Variants in POLN observed in about 807,000 individuals in gnomAD.
The protein encoded by POLN is DNA polymerase N.
A neutral mutation model predicts 113.5 loss-of-function variants in POLN; 108 were observed. The ratio of observed to expected loss-of-function variants is 0.95; its 90% confidence interval spans 0.81 to 1.12. The LOEUF (loss-of-function observed/expected upper bound fraction) is 1.12. POLN is among the 50% of genes most tolerant of loss of function. The pLI is 0.00. For synonymous variants in POLN, 386 were observed against 391.5 expected (o/e 0.99, Z 0.17); for missense variants, 1,097 against 1,077.1 (o/e 1.02, Z -0.26).
At chr4:2,233,496 T>C (rs921275552) in intron 2 of POLN, among the ~76,000 whole-genome samples, 2 of 152,198 alleles carry the variant, frequency 1.3e-5, no homozygotes, top group Non-Finnish European at 2.9e-5. Context: ...AAGAACATCA[T>C]ATGATTGTTT....
At chr4:2,166,137 A>G (rs1470383147) in intron 13 of POLN, among the ~76,000 whole-genome samples, 1 of 152,176 alleles carries the variant, frequency 6.6e-6, no homozygotes, top group Non-Finnish European at 1.5e-5. Flanking sequence ...AACAATTCCA[A>G]GGCTACCCAT....
rs899131485 is a variant in POLN, at chr4:2,127,808, C to T, written c.1982+305G>A. 2.0e-5 allele frequency among the ~76,000 whole-genome samples: 3 copies of T among 152,250 alleles called. No homozygotes were observed. Among genetic ancestry groups the T allele is most frequent in the African/African-American group, 7.2e-5 (3 of 41,472 alleles). On this transcript the variant is annotated intron_variant, in intron 19 of 25. Transcript: ENST00000511885. This position sits in a 1 kb window ranked among gnomAD's most constrained non-coding sequence, Gnocchi z 4.7. ...GGAGGGCAGTGGCTCACAGCCAGCA[C>T]CGCGGGCTCGCTCTTTCCGTGGTGC...
At chr4:2,149,697 G>T (rs926221499) in intron 16 of POLN, among the ~76,000 whole-genome samples, 1 of 152,104 alleles carries the variant, frequency 6.6e-6, no homozygotes, top group Admixed American at 6.5e-5. Flanking sequence ...GAGGCAGAAG[G>T]ATCACTTGAG....
rs138922215 is a variant in POLN, at chr4:2,127,588, C to T, written c.1982+525G>A. Among the ~76,000 whole-genome samples, 1 of 152,290 alleles carries T rather than the reference C, an allele frequency of 6.6e-6. No individual in the cohort carries two copies. Among genetic ancestry groups the T allele is most frequent in the Non-Finnish European group, 1.5e-5 (1 of 68,024 alleles). Reference sequence around the variant, plus strand: ...CACCAGGAGGAAGAGAAGCCAACGTCCTGAGAATATGATGAAAAAGGACGG... The same window carrying T: ...CACCAGGAGGAAGAGAAGCCAACGTTCTGAGAATATGATGAAAAAGGACGG... On this transcript the variant is annotated intron_variant, in intron 19 of 25. Coordinates refer to ENST00000511885, the MANE Select transcript of POLN (RefSeq NM_181808.4). The surrounding 1 kb of genome is among the most constrained non-coding windows in gnomAD (Gnocchi z 4.7).
intron 19 of POLN, among the ~76,000 whole-genome samples, chr4:2,098,690 T>C (rs992739736): frequency 6.6e-5 from 10 of 152,222 alleles, no homozygotes; most frequent in Non-Finnish European, 1.5e-4. Flanking sequence ...CATGCACAAC[T>C]TCTTGTTCTG....
Position 2,208,023 on chromosome 4 carries a change from C to T in POLN, c.678G>A (p.Met226Ile). ...CTAGCTGGGTGGAACCATCAGTATA[C>T]ATCACAGTTATCACCAGGGCTGCTG... ...KQAAALVITV[M>I]YTDGSTQLGA... The change falls in exon 5 of 26, where the codon ATG becomes ATA. Residue 226 changes from methionine (M) to isoleucine (I), a missense_variant. Physicochemically the swap from Met to Ile is conservative, Grantham distance 10. Coordinates refer to ENST00000511885, the MANE Select transcript of POLN (RefSeq NM_181808.4). 6.2e-7 allele frequency: 1 copy of T among 1,613,880 alleles called. No individual in the cohort carries two copies. Among genetic ancestry groups the T allele is most frequent in the Non-Finnish European group, 8.5e-7 (1 of 1,179,930 alleles).
At chr4:2,099,010 C>T (rs1730863405) in intron 19 of POLN, among the ~76,000 whole-genome samples, 1 of 152,122 alleles carries the variant, frequency 6.6e-6, no homozygotes, top group African/African-American at 2.4e-5. Flanking sequence ...AAAGCTGGAA[C>T]AATTTAAGCG....
chr4:2,134,859 T>C (rs1190636398), intron 16 of POLN, among the ~76,000 whole-genome samples: 1 of 152,224 alleles, frequency 6.6e-6, no homozygotes, highest in Non-Finnish European at 1.5e-5. Context: ...GCGTGTTTAC[T>C]GAATGAGTGA....
At chr4:2,163,450 G>C (rs1732651098) in intron 13 of POLN, among the ~76,000 whole-genome samples, 1 of 152,250 alleles carries the variant, frequency 6.6e-6, no homozygotes, top group Non-Finnish European at 1.5e-5. Context: ...CTGAGTGCTG[G>C]CTGAGGGCCA....
intron 8 of POLN, among the ~76,000 whole-genome samples, chr4:2,177,023 G>T (rs6829879): frequency 6.6e-6 from 1 of 151,872 alleles, no homozygotes; most frequent in African/African-American, 2.4e-5. Context: ...CAGTGGCTAA[G>T]TGCACACACC....
chr4:2,200,941 G>A (rs894647082), intron 5 of POLN, among the ~76,000 whole-genome samples: 2 of 152,018 alleles, frequency 1.3e-5, no homozygotes, highest in African/African-American at 4.8e-5. Flanking sequence ...GAAAGGCAAA[G>A]CCCAGTTTAA....
chr4:2,240,983 G>A (rs1012391255), intron 2 of POLN: 1 of 1,440,136 alleles, frequency 6.9e-7, no homozygotes, highest in Non-Finnish European at 9.4e-7. Flanking sequence ...ATCTGATATG[G>A]GTTTACGGTG....
chr4:2,191,621 T>C (rs559580228), intron 7 of POLN, among the ~76,000 whole-genome samples: 8 of 152,324 alleles, frequency 5.3e-5, no homozygotes, highest in South Asian at 2.1e-4. Context: ...GTATATCTAT[T>C]ATGATTCAGT....
At chr4:2,089,979 CT>C in intron 20 of POLN, 1 of 929,952 alleles carries the variant, frequency 1.1e-6, no homozygotes. Context: ...ATTCTGGTTT[CT>C]TTTCACTTTT....
At chr4:2,241,465 G>C in intron 2 of POLN, 55 bp downstream of exon 2, 1 of 981,156 alleles carries the variant, frequency 1.0e-6, no homozygotes, top group South Asian at 4.7e-5. Flanking sequence ...CCCTCCGTAC[G>C]TAAGAAGACG....
intron 20 of POLN, chr4:2,090,116 T>C: frequency 2.1e-6 from 2 of 969,340 alleles, no homozygotes. Flanking sequence ...TCCAAATGAT[T>C]TGCTAACTGA....
At chr4:2,148,699 A>G (rs1732214805) in intron 16 of POLN, among the ~76,000 whole-genome samples, 1 of 152,038 alleles carries the variant, frequency 6.6e-6, no homozygotes, top group Admixed American at 6.6e-5. Context: ...TGAATAAATA[A>G]TCACCAATAA....
intron 24 of POLN, among the ~76,000 whole-genome samples, chr4:2,073,903 G>A (rs1372066758): frequency 3.3e-5 from 5 of 152,192 alleles, no homozygotes; most frequent in African/African-American, 4.8e-5. Flanking sequence ...TGCAGGAGCC[G>A]GTCACCGTCT....
intron 2 of POLN, among the ~76,000 whole-genome samples, chr4:2,238,406 T>A (rs1734842317): frequency 1.4e-5 from 2 of 145,176 alleles, no homozygotes; most frequent in African/African-American, 2.6e-5. Context: ...TATTTTCAGA[T>A]CTAACATAAA....
Sources: allele counts gnomAD v4.1 joint callset (sites outside exome capture counted in the v4.1 genomes callset), GRCh38; gene constraint gnomAD v4.1.1; non-coding constraint Gnocchi (gnomAD v3.1); transcripts MANE v1.5; gene names NCBI Gene and HGNC (gene_info 2026-07-23, HGNC 2026-07-21).